The following POT1 variants were observed in gnomAD, a reference collection of about 807,000 sequenced individuals.
The protein encoded by POT1 is protection of telomeres 1.
In POT1, 47 loss-of-function variants were observed where a neutral mutation model predicts 78.5. That is an observed-to-expected ratio of 0.60 (90% CI 0.47 to 0.76). POT1 has a LOEUF of 0.76. POT1 is among the 30% of genes least tolerant of loss of function. The pLI, the probability that POT1 is intolerant of heterozygous loss-of-function variation, is 0.00. For missense variants in POT1, 646 were observed against 749.9 expected, an observed-to-expected ratio of 0.86 and a Z score of 1.62; for synonymous variants, 259 against 260.7, an observed-to-expected ratio of 0.99 and a Z score of 0.06.
At chr7:124,827,889 T>G (rs1014053548) in intron 16 of POT1, among the ~76,000 whole-genome samples, 1 of 151,850 alleles carries the variant, frequency 6.6e-6, no homozygotes, top group Non-Finnish European at 1.5e-5. Flanking sequence ...AAAAAATAGC[T>G]AGGCTTGGTA....
At chr7:124,837,084 G>A in intron 14 of POT1, 1 of 168,044 alleles carries the variant, frequency 6.0e-6, no homozygotes, top group Non-Finnish European at 1.3e-5. Flanking sequence ...ATGGACTATG[G>A]AGACAGAAAG....
intron 7 of POT1, among the ~76,000 whole-genome samples, chr7:124,870,565 A>G (rs1429534049): frequency 6.6e-6 from 1 of 152,106 alleles, no homozygotes; most frequent in East Asian, 1.9e-4. Flanking sequence ...TTGTTGACCT[A>G]AAGCTCTTTT....
Position 124,825,264 on chromosome 7 carries a change from C to A in POT1, c.1780G>T (p.Gly594Ter), listed in dbSNP as rs2116407628. 1 of 1,603,518 alleles carries A rather than the reference C, an allele frequency of 6.2e-7. No homozygotes were observed. Residue 594 changes from glycine (G) to a stop codon, truncating the protein, a stop_gained, in exon 18 of 19, where the codon GGA (glycine) becomes TGA (stop). Coordinates refer to ENST00000357628, the MANE Select transcript of POT1 (RefSeq NM_015450.3). LOFTEE classifies it high-confidence loss of function. ...TATTCTTGCCTACCAATTTTTATTC[C>A]TGGAGGACAAAACATATCCATGATC... ...DMIMDMFCPPGIKIDAYPWLE... is the reference protein window; with the variant it reads ...DMIMDMFCPP
chr7:124,824,620 G>C (rs1404200904), intron 18 of POT1, among the ~76,000 whole-genome samples: 1 of 152,040 alleles, frequency 6.6e-6, no homozygotes, highest in East Asian at 1.9e-4. Flanking sequence ...TAAATCTGCA[G>C]CTGGTAAAAT....
At chr7:124,926,046 GCAAA>G (rs1797265075) in intron 2 of POT1, among the ~76,000 whole-genome samples, 1 of 152,036 alleles carries the variant, frequency 6.6e-6, no homozygotes, top group Non-Finnish European at 1.5e-5. Flanking sequence ...ATTGGTTTAG[GCAAA>G]CAATTCATGA....
intron 2 of POT1, among the ~76,000 whole-genome samples, chr7:124,923,668 G>A (rs534573845): frequency 6.6e-5 from 10 of 151,606 alleles, no homozygotes; most frequent in Admixed American, 3.3e-4. Context: ...TCCAGATACA[G>A]GAGGCCCAGC....
intron 9 of POT1, 167 bp downstream of exon 9, chr7:124,858,790 T>C: frequency 2.3e-6 from 1 of 443,774 alleles, no homozygotes; most frequent in Non-Finnish European, 3.8e-6. Context: ...GTTTATCTTT[T>C]AATAATTTAT....
At chr7:124,846,423 A>AT (rs926292200) in intron 12 of POT1, among the ~76,000 whole-genome samples, 2 of 152,068 alleles carry the variant, frequency 1.3e-5, no homozygotes, top group African/African-American at 4.8e-5. Context: ...GGTTAAAAAT[A>AT]TTTTTCTGAA....
intron 16 of POT1, among the ~76,000 whole-genome samples, chr7:124,827,876 CA>C (rs565029664): frequency 6.6e-6 from 1 of 150,632 alleles, no homozygotes; most frequent in African/African-American, 2.4e-5. Context: ...CTAAAAATAC[CA>C]AAAAAAATAG....
At chr7:124,847,362 C>T (rs1052013352) in intron 11 of POT1, among the ~76,000 whole-genome samples, 1 of 152,126 alleles carries the variant, frequency 6.6e-6, no homozygotes, top group African/African-American at 2.4e-5. Flanking sequence ...AAGTGTGGTG[C>T]AGATGCCTGT....
chr7:124,899,279 T>C (rs967080298), intron 3 of POT1, among the ~76,000 whole-genome samples: 6 of 152,176 alleles, frequency 3.9e-5, no homozygotes, highest in Non-Finnish European at 7.4e-5. Context: ...CAAAACAAAC[T>C]GTCTATGAAT....
chr7:124,880,600 AT>A (rs988817152), intron 6 of POT1, among the ~76,000 whole-genome samples: 24 of 152,094 alleles, frequency 1.6e-4, no homozygotes, highest in African/African-American at 4.3e-4. Context: ...AATACTGAAA[AT>A]TGTTTCACAT....
At chr7:124,826,259 C>A (rs569597290) in intron 17 of POT1, among the ~76,000 whole-genome samples, 8 of 152,294 alleles carry the variant, frequency 5.3e-5, no homozygotes, top group Non-Finnish European at 5.9e-5. Flanking sequence ...TAACAGTCCA[C>A]AACTCTATGG....
At chr7:124,905,591 C>T (rs538654403) in intron 3 of POT1, among the ~76,000 whole-genome samples, 1 of 151,600 alleles carries the variant, frequency 6.6e-6, no homozygotes, top group East Asian at 1.9e-4. Flanking sequence ...AACTTCATGA[C>T]TAAAACACCA....
chr7:124,926,756 G>A (rs1797284118), intron 2 of POT1, among the ~76,000 whole-genome samples: 1 of 152,182 alleles, frequency 6.6e-6, no homozygotes, highest in Non-Finnish European at 1.5e-5. Context: ...TAAAAAGAAT[G>A]AAATTATGTC....
At chr7:124,922,549 C>T (rs1270652644) in intron 2 of POT1, among the ~76,000 whole-genome samples, 1 of 151,802 alleles carries the variant, frequency 6.6e-6, no homozygotes, top group Non-Finnish European at 1.5e-5. Context: ...TGAGAAATAA[C>T]AACTGTAACA....
At chr7:124,828,969 C>T in intron 16 of POT1, 1 of 640,708 alleles carries the variant, frequency 1.6e-6, no homozygotes, top group South Asian at 1.4e-5. Flanking sequence ...GCTCTGAATG[C>T]CAAATTCTGA....
intron 3 of POT1, among the ~76,000 whole-genome samples, chr7:124,909,796 A>G (rs780646434): frequency 1.3e-4 from 20 of 152,056 alleles, no homozygotes; most frequent in Non-Finnish European, 2.5e-4. Context: ...TAGATGTACT[A>G]TACATGTTTT....
intron 7 of POT1, among the ~76,000 whole-genome samples, chr7:124,867,955 A>G (rs1303834302): frequency 1.3e-5 from 2 of 152,102 alleles, no homozygotes; most frequent in Non-Finnish European, 2.9e-5. Flanking sequence ...TCTTTATAGT[A>G]GCTATCACTA....
Sources: gnomAD v4.1 joint callset for allele counts (sites outside exome capture counted in the v4.1 genomes callset) on GRCh38, gnomAD v4.1.1 for gene constraint, MANE v1.5 for transcripts, NCBI Gene and HGNC (gene_info 2026-07-23, HGNC 2026-07-21) for gene names.